Variants in GON4L observed in about 807,000 individuals in gnomAD.
The protein encoded by GON4L is gon-4 like, also known as GON-4-like protein.
In GON4L, 87 loss-of-function variants were observed where a neutral mutation model predicts 211.8. The observed-to-expected ratio is 0.41, with a 90% CI of 0.35 to 0.49. The LOEUF is 0.49. Among genes scored for constraint, GON4L ranks in the 20% least tolerant of loss-of-function variants. The pLI is 0.15. For synonymous variants in GON4L, 875 were observed against 962.6 expected (o/e 0.91, Z 1.68); for missense variants, 2,155 against 2,659.5 (o/e 0.81, Z 4.17).
rs371564053 is a variant in GON4L, at chr1:155,768,472, G to A, written c.2647-931C>T. Among the ~76,000 whole-genome samples the A allele has an allele frequency of 9.9e-5, 15 of 151,542 alleles. No individual in the cohort carries two copies. In the East Asian group the frequency reaches 1.8e-3, roughly 18 times the overall value. ...AAAAAATACAAAAAATTAGCCAGGC[G>A]TGGTGGCTGGTGCCTGTAGTCCCAG... On this transcript the variant is annotated intron_variant, in intron 19 of 31. Coordinates refer to ENST00000368331, the MANE Select transcript of GON4L (RefSeq NM_001282860.2).
intron 10 of GON4L, among the ~76,000 whole-genome samples, chr1:155,810,932 T>TGAACCCGG (rs1176301413): frequency 6.6e-6 from 1 of 152,008 alleles, no homozygotes. Context: ...GAGAACTGCT[T>TGAACCCGG]GAACCCGGGA....
At chr1:155,766,777 G>A in intron 20 of GON4L, 68 bp from the exon 21 acceptor site, 1 of 1,604,998 alleles carries the variant, frequency 6.2e-7, no homozygotes, top group South Asian at 1.1e-5. Flanking sequence ...TTGGCACAGT[G>A]GCTCACGCCT....
downstream of GON4L, chr1:155,748,842 T>C: frequency 6.6e-7 from 1 of 1,523,372 alleles, no homozygotes; most frequent in Non-Finnish European, 9.0e-7. Flanking sequence ...TCATGTCCTT[T>C]TCCCCCTAAT....
intron 4 of GON4L, 88 bp downstream of exon 4, chr1:155,822,198 T>A (rs1388392681): frequency 3.7e-6 from 4 of 1,075,710 alleles, no homozygotes; most frequent in Non-Finnish European, 5.8e-6. Flanking sequence ...AATTCACGTA[T>A]CAAGAGTCAA....
downstream of GON4L, among the ~76,000 whole-genome samples, chr1:155,745,574 C>A (rs919115210): frequency 6.6e-6 from 1 of 152,252 alleles, no homozygotes; most frequent in African/African-American, 2.4e-5. Flanking sequence ...GCGCCCACCC[C>A]GCTCCAGCGT....
At chr1:155,826,340 G>T (rs1018263902) in intron 3 of GON4L, among the ~76,000 whole-genome samples, 1 of 151,818 alleles carries the variant, frequency 6.6e-6, no homozygotes, top group Non-Finnish European at 1.5e-5. Flanking sequence ...CAAGGTGGGT[G>T]GATCATCTGA....
At chr1:155,848,876 G>A (rs944161970) in intron 2 of GON4L, among the ~76,000 whole-genome samples, 17 of 152,070 alleles carry the variant, frequency 1.1e-4, no homozygotes, top group Non-Finnish European at 1.8e-4. Context: ...GGTCGGGCGC[G>A]GTGGCTCACG....
chr1:155,779,576 A>G (rs1412383898), intron 14 of GON4L, among the ~76,000 whole-genome samples: 9 of 152,096 alleles, frequency 5.9e-5, no homozygotes. Flanking sequence ...CGGCCTCCCA[A>G]AGTGCTGGAA....
At chr1:155,825,867 AC>A (rs34525694) in intron 3 of GON4L, among the ~76,000 whole-genome samples, 80,846 of 151,732 alleles carry the variant, frequency 0.53, 23,702 homozygotes, top group Middle Eastern at 0.69. Context: ...ACACGGTGAA[AC>A]CCCGTCTCTA....
In GON4L at chr1:155,842,836, C is replaced by CA. The variant is rs143073369; in HGVS notation, c.505+10439dup. On this transcript the variant is annotated intron_variant, in intron 2 of 31. Transcript: ENST00000368331. ...TAGGCAACAGAGCAAGACTTCATCTCAAAAAAAAAAAACTTGGAAAGAAGG... is the reference window on the plus strand; with the variant it reads ...TAGGCAACAGAGCAAGACTTCATCTCAAAAAAAAAAAAACTTGGAAAGAAGG... Among the ~76,000 whole-genome samples the CA allele has an allele frequency of 3.0e-3, 415 of 137,238 alleles. 1 individual carries two copies. The highest frequency in any genetic ancestry group is 9.3e-3 in the East Asian group (45 of 4,832). The allele number at this position is 137,238 out of a possible 152,430, so 90.0% of individuals were successfully genotyped here.
At position 155,750,647 on chromosome 1, in the gene GON4L, G is replaced by A. The variant is rs1389836163; in HGVS notation, c.6663C>T (p.Thr2221=). Reference sequence around the variant, plus strand: ...GGTCAGACAGCTGGTCTGCATTGCTGGTACTGGTTGCATCATCCTCATCCT... The same window carrying A: ...GGTCAGACAGCTGGTCTGCATTGCTAGTACTGGTTGCATCATCCTCATCCT... ...SSEDEDDATS[T]SNADQLSDHG... is the part of the protein sequence containing the mutation. The change falls in exon 32 of 32, where the codon ACC becomes ACT. Residue 2221 remains threonine (T), a synonymous_variant. Coordinates refer to ENST00000368331, the MANE Select transcript of GON4L (RefSeq NM_001282860.2). The A allele has an allele frequency of 3.2e-6, 5 of 1,574,290 alleles. No individual in the cohort carries two copies. Among genetic ancestry groups the A allele is most frequent in the Non-Finnish European group, 4.3e-6 (5 of 1,152,384 alleles).
intron 12 of GON4L, among the ~76,000 whole-genome samples, chr1:155,789,013 C>T (rs1267582276): frequency 2.0e-5 from 3 of 151,512 alleles, no homozygotes; most frequent in Non-Finnish European, 4.4e-5. Flanking sequence ...TGGCGTGAAC[C>T]TGGTAGGCGG....
At chr1:155,763,097 A>G (rs562185093) in intron 22 of GON4L, among the ~76,000 whole-genome samples, 7 of 152,224 alleles carry the variant, frequency 4.6e-5, no homozygotes, top group Admixed American at 2.0e-4. Context: ...TAAATCTAGC[A>G]ACGGATGAGA....
chr1:155,813,601 A>G (rs768029482), intron 10 of GON4L, 33 bp downstream of exon 10: 2 of 1,527,476 alleles, frequency 1.3e-6, no homozygotes, highest in African/African-American at 2.7e-5. Flanking sequence ...ACTCCACTTG[A>G]CTTTCTCAGT....
At chr1:155,838,487 A>G (rs1670505480) in intron 2 of GON4L, among the ~76,000 whole-genome samples, 1 of 152,166 alleles carries the variant, frequency 6.6e-6, no homozygotes, top group South Asian at 2.1e-4. Flanking sequence ...TGTCTAATAT[A>G]GTTCCAGCTA....
chr1:155,756,935 A>T (rs962055561), intron 27 of GON4L, 23 bp downstream of exon 27: 23 of 1,590,050 alleles, frequency 1.4e-5, no homozygotes, highest in Non-Finnish European at 2.0e-5. Flanking sequence ...TCTCAAAAAC[A>T]AACAAATAAA....
At chr1:155,816,101 G>A in intron 7 of GON4L, 111 bp downstream of exon 7, 1 of 711,446 alleles carries the variant, frequency 1.4e-6, no homozygotes, top group Non-Finnish European at 2.5e-6. Flanking sequence ...AAAAAACAAA[G>A]CTGGAATTAA....
intron 19 of GON4L, 97 bp downstream of exon 19, chr1:155,770,970 G>C (rs1663132939): frequency 6.5e-7 from 1 of 1,532,460 alleles, no homozygotes; most frequent in African/African-American, 1.4e-5. Context: ...ATTAGCTTTA[G>C]ATAAAAGAAG....
At position 155,757,161 on chromosome 1, in the gene GON4L, G is replaced by A; in HGVS notation, c.5397+19C>T. The A allele has an allele frequency of 1.2e-6, 2 of 1,613,878 alleles. No individual in the cohort carries two copies. The highest frequency in any genetic ancestry group is 1.3e-5 in the African/African-American group (1 of 75,018). ...GGCCTTCCCCCTTCATAAGGCTACAGCAGCCTTAGGTCCTATACCTCATAC... is the reference window on the plus strand; with the variant it reads ...GGCCTTCCCCCTTCATAAGGCTACAACAGCCTTAGGTCCTATACCTCATAC... On this transcript the variant is annotated intron_variant, in intron 26 of 31. Coordinates refer to ENST00000368331, the MANE Select transcript of GON4L (RefSeq NM_001282860.2).
Sources: allele counts gnomAD v4.1 joint callset (sites outside exome capture counted in the v4.1 genomes callset), GRCh38; gene constraint gnomAD v4.1.1; transcripts MANE v1.5; gene names NCBI Gene and HGNC (gene_info 2026-07-23, HGNC 2026-07-21).